TUSC3: variants seen among roughly 807,000 people sequenced by gnomAD.
TUSC3 encodes tumor suppressor candidate 3.
Under a neutral mutation model 44.8 loss-of-function variants are expected in TUSC3, and 45 were observed. That is an observed-to-expected ratio of 1.00 (90% CI 0.79 to 1.29). The LOEUF (loss-of-function observed/expected upper bound fraction) is 1.29, where lower values mean the gene tolerates loss of function less well. Among genes scored for constraint, TUSC3 ranks in the 50% most tolerant of loss-of-function variants. The probability of loss-of-function intolerance (pLI) is 0.00; values close to 1 mark genes in which losing one functional copy is unlikely to be tolerated. For synonymous variants in TUSC3, 212 were observed against 152.9 expected (o/e 1.39, Z -2.85); for missense variants, 519 against 437.9 (o/e 1.19, Z -1.65).
rs576473343 is a variant in TUSC3, at chr8:15,636,958, G to A, written c.308+13709G>A. On this transcript the variant is annotated intron_variant, in intron 2 of 10. Transcript: ENST00000503731. The stretch of plus-strand genomic sequence containing the variant: ...CCGATCCAGTTTTCTTACTTTGAAT[G>A]TGATTTGTTTTTTTGCCTTGTGGGC... Among the ~76,000 whole-genome samples the A allele has an allele frequency of 2.6e-5, 4 of 152,154 alleles. No individual in the cohort carries two copies. The South Asian group carries it at 6.2e-4, about 24-fold the overall frequency.
the TUSC3 span, among the ~76,000 whole-genome samples, chr8:15,821,831 G>C: frequency 1.3e-5 from 2 of 152,080 alleles, no homozygotes; most frequent in African/African-American, 4.8e-5. Flanking sequence ...CAAAAGGATT[G>C]GATTTTGTGG....
intron 1 of TUSC3, among the ~76,000 whole-genome samples, chr8:15,576,537 C>T (rs1477446491): frequency 6.9e-6 from 1 of 145,560 alleles, no homozygotes; most frequent in African/African-American, 2.6e-5. Context: ...GTTCAGTCCC[C>T]ACCTATGAGT....
At position 15,423,969 on chromosome 8, in the gene TUSC3, G is replaced by GTTTTTGTTTTGTTTTTTTTT. The variant is rs1563247134; in HGVS notation, n.91+6669_91+6670insGTTTTGTTTTTTTTTTTTTT. Among the ~76,000 whole-genome samples, 36 of 70,390 alleles carry GTTTTTGTTTTGTTTTTTTTT rather than the reference G, an allele frequency of 5.1e-4. 12 individuals are homozygous for GTTTTTGTTTTGTTTTTTTTT. The highest frequency in any genetic ancestry group is 7.8e-4 in the African/African-American group (19 of 24,492). 46.2% of individuals were successfully genotyped at this position (70,390 alleles called of 152,430 possible). Reference sequence around the variant, plus strand: ...TACAGCATTCATACTGTTTTGCTTTGTTTTTTTTTTTTTTTTTTTTTTTTT... The same window carrying GTTTTTGTTTTGTTTTTTTTT: ...TACAGCATTCATACTGTTTTGCTTTGTTTTTGTTTTGTTTTTTTTTTTTTTTTTTTTTTTTTTTTTTTTTT... On this transcript the variant is annotated intron_variant and non_coding_transcript_variant, in intron 1 of 5. Transcript: ENST00000503191.
the TUSC3 span, among the ~76,000 whole-genome samples, chr8:15,784,630 A>T: frequency 6.6e-6 from 1 of 152,094 alleles, no homozygotes; most frequent in Non-Finnish European, 1.5e-5. Context: ...ATGAATCTAG[A>T]GGACATTATG....
upstream of TUSC3, among the ~76,000 whole-genome samples, chr8:15,537,986 C>T (rs984781984): frequency 1.3e-5 from 2 of 152,166 alleles, no homozygotes; most frequent in Admixed American, 6.5e-5. Flanking sequence ...GGCAATTAGC[C>T]TGGGGTGGTT....
At chr8:15,761,605 A>C (rs1006952043) in intron 10 of TUSC3, among the ~76,000 whole-genome samples, 23 of 152,216 alleles carry the variant, frequency 1.5e-4, no homozygotes, top group African/African-American at 5.5e-4. Flanking sequence ...TGCTATGCAC[A>C]TGCAGACTAC....
chr8:15,826,659 A>G, the TUSC3 span, among the ~76,000 whole-genome samples: 1 of 152,182 alleles, frequency 6.6e-6, no homozygotes, highest in Non-Finnish European at 1.5e-5. Context: ...AGCGAATGCT[A>G]TTTATTTCAA....
chr8:15,527,833 T>C (rs1056986663), intron 2 of TUSC3, among the ~76,000 whole-genome samples: 2 of 152,246 alleles, frequency 1.3e-5, no homozygotes, highest in Admixed American at 1.3e-4. Context: ...TTTTCTGTCA[T>C]TTTTAAACAT....
At chr8:15,661,090 C>G (rs1421605683) in intron 4 of TUSC3, among the ~76,000 whole-genome samples, 2 of 151,880 alleles carry the variant, frequency 1.3e-5, no homozygotes, top group Admixed American at 1.3e-4. Flanking sequence ...TTACCTCTCT[C>G]CACACATGCA....
the TUSC3 span, among the ~76,000 whole-genome samples, chr8:15,834,901 A>T: frequency 2.6e-5 from 4 of 152,174 alleles, no homozygotes; most frequent in Non-Finnish European, 4.4e-5. Context: ...ATATACAGAG[A>T]ACTGACTTTT....
chr8:15,601,717 A>G (rs1335305877), intron 1 of TUSC3, among the ~76,000 whole-genome samples: 1 of 151,668 alleles, frequency 6.6e-6, no homozygotes, highest in African/African-American at 2.4e-5. Flanking sequence ...GAAGGAAGTA[A>G]AGAAATGTAC....
chr8:15,837,218 CT>C, the TUSC3 span, among the ~76,000 whole-genome samples: 87,825 of 151,406 alleles, frequency 0.58, 27,301 homozygotes, highest in Non-Finnish European at 0.71. Flanking sequence ...GGGATTATGT[CT>C]TTTTTTTTAA....
chr8:15,581,537 G>T (rs991603688), intron 1 of TUSC3, among the ~76,000 whole-genome samples: 27 of 148,120 alleles, frequency 1.8e-4, no homozygotes, highest in East Asian at 1.6e-3. Context: ...CCTTCTAACA[G>T]ACAGGACCCT....
chr8:15,470,288 A>C (rs1226582746), intron 1 of TUSC3, among the ~76,000 whole-genome samples: 1 of 151,326 alleles, frequency 6.6e-6, no homozygotes, highest in Non-Finnish European at 1.5e-5. Context: ...ATTGGTTGCC[A>C]AGGGTTCAAG....
At position 15,547,592 on chromosome 8, in the gene TUSC3, TGTC is replaced by T. The variant is rs1324948665; in HGVS notation, c.138+7027_138+7029del. Among the ~76,000 whole-genome samples, 3 of 151,748 alleles carry T rather than the reference TGTC, an allele frequency of 2.0e-5. 1 individual carries two copies. Among genetic ancestry groups the T allele is most frequent in the East Asian group, 3.9e-4 (2 of 5,126 alleles). The stretch of plus-strand genomic sequence containing the variant: ...TAGGCATTTGACTTAGTTAGATTGT[TGTC>T]GTAGATTGAATGTTTATGTTCCCAC... On this transcript the variant is annotated intron_variant, in intron 1 of 10. Transcript: ENST00000503731.
intron 6 of TUSC3, among the ~76,000 whole-genome samples, chr8:15,688,696 A>C (rs989372365): frequency 6.6e-6 from 1 of 152,120 alleles, no homozygotes; most frequent in Admixed American, 6.5e-5. Context: ...TGCTGTTAGG[A>C]GATTTCCCTC....
intron 1 of TUSC3, among the ~76,000 whole-genome samples, chr8:15,598,310 G>T (rs1426365173): frequency 1.3e-5 from 2 of 151,772 alleles, no homozygotes; most frequent in Non-Finnish European, 2.9e-5. Context: ...ATACCTTTTT[G>T]TTTGCAGTAG....
chr8:15,469,862 G>T (rs1585056557), intron 1 of TUSC3, among the ~76,000 whole-genome samples: 1 of 152,172 alleles, frequency 6.6e-6, no homozygotes, highest in South Asian at 2.1e-4. Context: ...AAACATAAGT[G>T]TATGTTACTA....
chr8:15,567,095 A>G (rs1460632718), intron 1 of TUSC3, among the ~76,000 whole-genome samples: 2 of 152,160 alleles, frequency 1.3e-5, no homozygotes, highest in Non-Finnish European at 2.9e-5. Context: ...TTAAGCCACC[A>G]TATCTTTCTG....
Sources: gnomAD v4.1 joint callset for allele counts (sites outside exome capture counted in the v4.1 genomes callset) on GRCh38, gnomAD v4.1.1 for gene constraint, MANE v1.5 for transcripts, NCBI Gene and HGNC (gene_info 2026-07-23, HGNC 2026-07-21) for gene names.